SPIN1: variants seen among roughly 807,000 people sequenced by gnomAD.
SPIN1 encodes the protein spindlin-1.
In SPIN1, 3 loss-of-function variants were observed where a neutral mutation model predicts 26.0. The observed-to-expected ratio is 0.12, with a 90% CI of 0.05 to 0.30. The LOEUF (loss-of-function observed/expected upper bound fraction) is 0.30, where lower values mean the gene tolerates loss of function less well. Ranked by LOEUF, SPIN1 falls within the 10% of genes least tolerant of loss-of-function variation. The probability of loss-of-function intolerance (pLI) is 1.00; values close to 1 mark genes in which losing one functional copy is unlikely to be tolerated. For synonymous variants in SPIN1, 101 were observed against 116.5 expected (o/e 0.87, Z 0.86); for missense variants, 126 against 333.4 (o/e 0.38, Z 4.84).
chr9:88,449,431 T>C (rs1828315797), intron 3 of SPIN1, among the ~76,000 whole-genome samples: 2 of 152,140 alleles, frequency 1.3e-5, no homozygotes, highest in African/African-American at 4.8e-5. Context: ...GCTCACTGTT[T>C]TATAGCATTT....
At chr9:88,412,554 T>C (rs552405730) in intron 1 of SPIN1, among the ~76,000 whole-genome samples, 1 of 152,288 alleles carries the variant, frequency 6.6e-6, no homozygotes, top group Non-Finnish European at 1.5e-5. Context: ...TTATGAAACC[T>C]ATGGATGCCT....
At chr9:88,451,949 T>C (rs1351857397) in intron 3 of SPIN1, among the ~76,000 whole-genome samples, 1 of 152,232 alleles carries the variant, frequency 6.6e-6, no homozygotes, top group Non-Finnish European at 1.5e-5. Context: ...TTTTCAAATG[T>C]AAATTCCCTC....
At chr9:88,426,341 C>G in intron 1 of SPIN1, 41 bp from the exon 2 acceptor site, 1 of 437,102 alleles carries the variant, frequency 2.3e-6, no homozygotes, top group Non-Finnish European at 4.2e-6. Flanking sequence ...TAATTTTGCT[C>G]TCTTGATGCT....
At chr9:88,422,173 T>C (rs1827682616) in intron 1 of SPIN1, among the ~76,000 whole-genome samples, 2 of 152,218 alleles carry the variant, frequency 1.3e-5, no homozygotes, top group South Asian at 4.1e-4. Context: ...TTGATAGTTT[T>C]AGCAACTATT....
chr9:88,441,195 A>G (rs986830285), intron 2 of SPIN1, among the ~76,000 whole-genome samples: 1 of 151,894 alleles, frequency 6.6e-6, no homozygotes, highest in African/African-American at 2.4e-5. Context: ...TGGCATTATT[A>G]GTAATCTGGA....
intron 1 of SPIN1, among the ~76,000 whole-genome samples, chr9:88,390,120 C>G (rs1273464821): frequency 2.6e-5 from 4 of 152,164 alleles, no homozygotes; most frequent in Non-Finnish European, 5.9e-5. Flanking sequence ...GAAATGGTTA[C>G]TTTTACAATG....
chr9:88,454,445 C>T (rs1414005522), intron 3 of SPIN1, among the ~76,000 whole-genome samples: 3 of 152,106 alleles, frequency 2.0e-5, no homozygotes, highest in African/African-American at 4.8e-5. Context: ...CTTTTATATA[C>T]ACTATTTCCA....
intron 1 of SPIN1, among the ~76,000 whole-genome samples, chr9:88,393,576 C>T (rs937010794): frequency 4.6e-5 from 7 of 150,664 alleles, no homozygotes; most frequent in East Asian, 4.0e-4. Context: ...CTGCCTCAGC[C>T]TCCCGAATAG....
At chr9:88,411,297 C>T in intron 1 of SPIN1, 1 of 1,324,670 alleles carries the variant, frequency 7.5e-7, no homozygotes. Context: ...AACTCAAAGC[C>T]CCTGGAGCAC....
intron 5 of SPIN1, among the ~76,000 whole-genome samples, chr9:88,472,010 G>A (rs992148813): frequency 2.6e-5 from 4 of 152,116 alleles, no homozygotes; most frequent in East Asian, 1.9e-4. Flanking sequence ...TATTGGCCAG[G>A]CTGGTCTCAA....
intron 1 of SPIN1, among the ~76,000 whole-genome samples, chr9:88,412,503 G>A (rs1827471054): frequency 6.6e-6 from 1 of 152,122 alleles, no homozygotes; most frequent in Non-Finnish European, 1.5e-5. Context: ...TTGTCCATAG[G>A]TTTGGGCAGA....
At chr9:88,395,595 G>A (rs1482155835) in intron 1 of SPIN1, among the ~76,000 whole-genome samples, 1 of 152,020 alleles carries the variant, frequency 6.6e-6, no homozygotes, top group East Asian at 1.9e-4. Context: ...GTGTCAAAAT[G>A]TTACATTTTC....
At chr9:88,464,644 T>G (rs923986526) in intron 4 of SPIN1, among the ~76,000 whole-genome samples, 1 of 152,214 alleles carries the variant, frequency 6.6e-6, no homozygotes, top group Non-Finnish European at 1.5e-5. Flanking sequence ...ATTTGGAAGA[T>G]TTGCATAACT....
At chr9:88,431,747 A>G (rs558686740) in intron 2 of SPIN1, among the ~76,000 whole-genome samples, 18 of 152,258 alleles carry the variant, frequency 1.2e-4, no homozygotes, top group South Asian at 8.3e-4. Flanking sequence ...TAGGCTTTCA[A>G]TCTTCAGATT....
At position 88,477,845 on chromosome 9, in the gene SPIN1, G is replaced by C. The variant is rs1587821545; in HGVS notation, c.*2568G>C. The C allele has an allele frequency of 1.3e-5, 2 of 152,174 alleles. No homozygotes were observed. The highest frequency in any genetic ancestry group is 2.9e-5 in the Non-Finnish European group (2 of 68,034). The allele number at this position is 152,174 out of a possible 1,614,324, so 9.4% of individuals were successfully genotyped here. ...GCTCTAGTATTATTGTATTGTGTGT[G>C]CGTGCGTGTGTGATGTCAGGCTGCC... On this transcript the variant is annotated 3_prime_UTR_variant, in exon 6 of 6. Transcript: ENST00000375859.
intron 2 of SPIN1, among the ~76,000 whole-genome samples, chr9:88,447,717 C>T (rs1340378064): frequency 1.3e-5 from 2 of 152,166 alleles, no homozygotes; most frequent in South Asian, 2.1e-4. Flanking sequence ...CCCTTCTTGC[C>T]CACATGTACA....
chr9:88,473,642 C>CG (rs1564047559), intron 5 of SPIN1, among the ~76,000 whole-genome samples: 318 of 124,250 alleles, frequency 2.6e-3, no homozygotes, highest in African/African-American at 0.014. Context: ...ATTCTCCAAA[C>CG]TTGTGTGTGT....
chr9:88,409,965 C>G (rs1485650924), intron 1 of SPIN1, among the ~76,000 whole-genome samples: 2 of 151,284 alleles, frequency 1.3e-5, no homozygotes, highest in African/African-American at 4.9e-5. Flanking sequence ...CCCCCTGTAA[C>G]CCCCTTTGGT....
chr9:88,422,234 G>C (rs1033750947), intron 1 of SPIN1, among the ~76,000 whole-genome samples: 5 of 152,096 alleles, frequency 3.3e-5, no homozygotes, highest in African/African-American at 7.2e-5. Context: ...TTATAATAAA[G>C]CTCCATTTGA....
Sources: allele counts gnomAD v4.1 joint callset (sites outside exome capture counted in the v4.1 genomes callset), GRCh38; gene constraint gnomAD v4.1.1; transcripts MANE v1.5; gene names NCBI Gene and HGNC (gene_info 2026-07-23, HGNC 2026-07-21).